Variants in LRRC37A2 observed in about 807,000 individuals in gnomAD.
LRRC37A2 encodes the protein leucine-rich repeat-containing protein 37A2.
Under a neutral mutation model 68.8 loss-of-function variants are expected in LRRC37A2, and 9 were observed. The observed-to-expected ratio is 0.13, with a 90% CI of 0.08 to 0.23. LRRC37A2 has a LOEUF of 0.23. Ranked by LOEUF, LRRC37A2 falls within the 10% of genes least tolerant of loss-of-function variation. The probability of loss-of-function intolerance (pLI) is 1.00; values close to 1 mark genes in which losing one functional copy is unlikely to be tolerated. For missense variants in LRRC37A2, 168 were observed against 950.4 expected (o/e 0.18, Z 10.82); for synonymous variants, 63 against 367.6 (o/e 0.17, Z 9.48).
chr17:46,939,971 TAAAATGACACTC>T, the LRRC37A2 span: 11 of 1,009,304 alleles, frequency 1.1e-5, no homozygotes, highest in Non-Finnish European at 1.3e-5. Context: ...TGGCAAGACA[TAAAATGACACTC>T]AAAATCCTTC....
At chr17:46,885,006 T>C in the LRRC37A2 span, 1 of 438,704 alleles carries the variant, frequency 2.3e-6, no homozygotes, top group African/African-American at 2.1e-5. Context: ...CTTTTTTTTT[T>C]AGACGAAGTC....
At chr17:46,907,357 A>T in the LRRC37A2 span, among the ~76,000 whole-genome samples, 4 of 151,794 alleles carry the variant, frequency 2.6e-5, no homozygotes, top group African/African-American at 9.7e-5. Flanking sequence ...TGGTAAAGAG[A>T]GGTTGACCGT....
chr17:46,714,100 T>C, the LRRC37A2 span: 1 of 1,158,912 alleles, frequency 8.6e-7, no homozygotes, highest in Non-Finnish European at 1.2e-6. Context: ...TATGTTCTTC[T>C]CAAGTGGAAC....
chr17:46,876,422 G>C, the LRRC37A2 span: 1 of 1,613,672 alleles, frequency 6.2e-7, no homozygotes, highest in Non-Finnish European at 8.5e-7. Flanking sequence ...GGGCCGCCTA[G>C]AGCTGTGGGC....
At chr17:46,657,093 A>G in the LRRC37A2 span, among the ~76,000 whole-genome samples, 5 of 47,628 alleles carry the variant, frequency 1.0e-4, no homozygotes, top group African/African-American at 3.1e-4. Flanking sequence ...TGTTTAATCA[A>G]TCCCCTCTAG....
the LRRC37A2 span, among the ~76,000 whole-genome samples, chr17:46,828,370 A>T: frequency 2.6e-5 from 4 of 151,804 alleles, no homozygotes; most frequent in African/African-American, 9.7e-5. Context: ...CTAATTTTTT[A>T]AAATTTTTGG....
chr17:46,761,344 T>TG, the LRRC37A2 span, among the ~76,000 whole-genome samples: 5 of 150,616 alleles, frequency 3.3e-5, no homozygotes, highest in African/African-American at 1.2e-4. Flanking sequence ...GTTTTTTTTT[T>TG]TTTTTGAGAT....
the LRRC37A2 span, among the ~76,000 whole-genome samples, chr17:46,992,853 C>CAAAAAA: frequency 1.7e-3 from 112 of 65,098 alleles, 1 homozygote; most frequent in African/African-American, 2.5e-3. Context: ...AACTCCATCT[C>CAAAAAA]AAAAAAAAAA....
chr17:46,695,115 G>A, the LRRC37A2 span, among the ~76,000 whole-genome samples: 3 of 57,580 alleles, frequency 5.2e-5, no homozygotes, highest in Non-Finnish European at 8.9e-5. Context: ...GCATGGTGGC[G>A]GGCACCTGTA....
chr17:47,010,097 T>C, the LRRC37A2 span, among the ~76,000 whole-genome samples: 3 of 152,218 alleles, frequency 2.0e-5, no homozygotes, highest in African/African-American at 7.2e-5. Context: ...CATTTATTGT[T>C]TCTCAGAATT....
chr17:46,985,122 C>T, the LRRC37A2 span, among the ~76,000 whole-genome samples: 2,329 of 152,328 alleles, frequency 0.015, 44 homozygotes, highest in African/African-American at 0.054. Flanking sequence ...TTTACTGCAT[C>T]TGGTACGGAA....
chr17:47,019,699 G>A, the LRRC37A2 span: 1 of 1,244,268 alleles, frequency 8.0e-7, no homozygotes, highest in Non-Finnish European at 1.2e-6. Flanking sequence ...CTCTGTACCT[G>A]CGGAGATGAG....
At chr17:46,979,076 T>G in the LRRC37A2 span, 1 of 1,310,756 alleles carries the variant, frequency 7.6e-7, no homozygotes, top group Non-Finnish European at 9.7e-7. Flanking sequence ...GGGTCCGCGC[T>G]CTCAGGGACG....
At chr17:46,923,718 G>A in the LRRC37A2 span, 3 of 487,376 alleles carry the variant, frequency 6.2e-6, no homozygotes, top group Non-Finnish European at 9.8e-6. Flanking sequence ...TGTCCACGTA[G>A]CATTCACTAT....
At chr17:46,859,560 C>T in the LRRC37A2 span, among the ~76,000 whole-genome samples, 1 of 152,126 alleles carries the variant, frequency 6.6e-6, no homozygotes, top group Non-Finnish European at 1.5e-5. Context: ...AAAAATTTTT[C>T]CCCAATAAGC....
intron 6 of LRRC37A2, among the ~76,000 whole-genome samples, chr17:46,526,416 TG>T (rs1197553712): frequency 1.9e-5 from 2 of 102,602 alleles, no homozygotes; most frequent in Admixed American, 1.8e-4. Flanking sequence ...CAGCTGTGGT[TG>T]ATCGATGATG....
chr17:46,981,410 T>G, the LRRC37A2 span, among the ~76,000 whole-genome samples: 1 of 152,212 alleles, frequency 6.6e-6, no homozygotes, highest in African/African-American at 2.4e-5. Context: ...TATAAAAGGA[T>G]GAGTTCCACC....
the LRRC37A2 span, among the ~76,000 whole-genome samples, chr17:46,788,303 C>G: frequency 3.9e-5 from 6 of 152,148 alleles, no homozygotes; most frequent in Non-Finnish European, 8.8e-5. Flanking sequence ...CCTTCCTGAC[C>G]CCTCCAAACC....
chr17:46,932,165 G>C, the LRRC37A2 span: 8 of 1,614,020 alleles, frequency 5.0e-6, no homozygotes, highest in Non-Finnish European at 5.9e-6. Context: ...GAGAGACAGC[G>C]AGAAGAGCTT....
Sources: allele counts gnomAD v4.1 joint callset (sites outside exome capture counted in the v4.1 genomes callset), GRCh38; gene constraint gnomAD v4.1.1; transcripts MANE v1.5; gene names NCBI Gene and HGNC (gene_info 2026-07-23, HGNC 2026-07-21).